The following RORA variants were observed in gnomAD, a reference collection of about 807,000 sequenced individuals.
RORA encodes RAR related orphan receptor A.
A neutral mutation model predicts 69.5 loss-of-function variants in RORA; 7 were observed. The observed-to-expected ratio is 0.10, with a 90% CI of 0.06 to 0.19. RORA has a LOEUF of 0.19. Among genes scored for constraint, RORA ranks in the 10% least tolerant of loss-of-function variants. The probability of loss-of-function intolerance (pLI) is 1.00; values close to 1 mark genes in which losing one functional copy is unlikely to be tolerated. For synonymous variants in RORA, 261 were observed against 240.8 expected, an observed-to-expected ratio of 1.08 and a Z score of -0.78; for missense variants, 457 against 663.0, an observed-to-expected ratio of 0.69 and a Z score of 3.41.
chr15:60,707,585 G>C (rs534684804), intron 1 of RORA, among the ~76,000 whole-genome samples: 1 of 151,908 alleles, frequency 6.6e-6, no homozygotes, highest in Non-Finnish European at 1.5e-5. Context: ...GGATGGTCTC[G>C]ATCTCCTGAC....
At position 60,750,119 on chromosome 15, in the gene RORA, C is replaced by A. The variant is rs78634325; in HGVS notation, c.167-71433G>T. Among the ~76,000 whole-genome samples the A allele has an allele frequency of 4.2e-3, 639 of 152,300 alleles. 5 individuals carry two copies. Among genetic ancestry groups the A allele is most frequent in the African/African-American group, 0.014 (588 of 41,558 alleles). On this transcript the variant is annotated intron_variant, in intron 1 of 10. Transcript: ENST00000335670. ...TCATATTATCTTCACTACATCCCTA[C>A]AGATGGATACTATTATCAGCTCCAA...
intron 3 of RORA, among the ~76,000 whole-genome samples, chr15:60,521,582 C>T (rs888032276): frequency 1.5e-4 from 23 of 152,066 alleles, no homozygotes; most frequent in East Asian, 3.9e-4. Context: ...AAAAGCTCCC[C>T]GAAGACTTTG....
intron 1 of RORA, among the ~76,000 whole-genome samples, chr15:60,897,875 C>A (rs1387362446): frequency 2.6e-5 from 4 of 152,258 alleles, no homozygotes; most frequent in Admixed American, 1.3e-4. Context: ...AAAAATTGTA[C>A]CCATAATAAA....
At chr15:60,730,641 T>C (rs888429417) in intron 1 of RORA, among the ~76,000 whole-genome samples, 2 of 152,228 alleles carry the variant, frequency 1.3e-5, no homozygotes, top group Non-Finnish European at 2.9e-5. Flanking sequence ...TGCATGTATG[T>C]GTGTGCTCAC....
intron 2 of RORA, among the ~76,000 whole-genome samples, chr15:60,549,152 G>A (rs745588346): frequency 6.6e-6 from 1 of 152,184 alleles, no homozygotes; most frequent in African/African-American, 2.4e-5. Context: ...CCAAAGTTAC[G>A]AGAAACAAGG....
chr15:60,881,271 A>T (rs550484375), intron 1 of RORA, among the ~76,000 whole-genome samples: 1 of 152,338 alleles, frequency 6.6e-6, no homozygotes, highest in East Asian at 1.9e-4. Context: ...GGACACACTC[A>T]GCATGACTGT....
intron 1 of RORA, among the ~76,000 whole-genome samples, chr15:60,704,082 T>G (rs182489320): frequency 3.3e-5 from 5 of 152,334 alleles, no homozygotes; most frequent in Non-Finnish European, 7.3e-5. Flanking sequence ...AAAACATCAA[T>G]TCTAATACAA....
intron 1 of RORA, among the ~76,000 whole-genome samples, chr15:60,935,101 A>G (rs1293158515): frequency 6.6e-6 from 1 of 152,250 alleles, no homozygotes; most frequent in Non-Finnish European, 1.5e-5. Flanking sequence ...TTCTGAATGA[A>G]TGAATAAAAA....
chr15:61,083,902 A>T (rs1305988219), intron 1 of RORA, among the ~76,000 whole-genome samples: 1 of 152,178 alleles, frequency 6.6e-6, no homozygotes, highest in Non-Finnish European at 1.5e-5. Flanking sequence ...TGGCTTCAGA[A>T]TAATATGAAG....
chr15:60,675,118 T>C (rs923084612), intron 2 of RORA, among the ~76,000 whole-genome samples: 1 of 152,218 alleles, frequency 6.6e-6, no homozygotes. Flanking sequence ...TTTATCCTCT[T>C]GTAACGTTGT....
intron 2 of RORA, among the ~76,000 whole-genome samples, chr15:60,637,815 T>C (rs111499673): frequency 6.2e-4 from 94 of 151,280 alleles, no homozygotes; most frequent in African/African-American, 2.3e-3. Flanking sequence ...CTTTTCTTTC[T>C]TTTTTTCTTT....
intron 1 of RORA, among the ~76,000 whole-genome samples, chr15:60,969,232 C>A (rs1893641132): frequency 6.6e-6 from 1 of 152,136 alleles, no homozygotes; most frequent in Non-Finnish European, 1.5e-5. Context: ...TTAATAAGTC[C>A]TTTTTGCAGA....
intron 2 of RORA, among the ~76,000 whole-genome samples, chr15:60,539,539 A>C (rs2066792577): frequency 6.6e-6 from 1 of 152,198 alleles, no homozygotes; most frequent in Non-Finnish European, 1.5e-5. Flanking sequence ...CAAACTGTTT[A>C]AGGCAGTTGA....
chr15:60,987,807 T>C (rs1201426224), intron 1 of RORA, among the ~76,000 whole-genome samples: 1 of 152,190 alleles, frequency 6.6e-6, no homozygotes, highest in Non-Finnish European at 1.5e-5. Flanking sequence ...TTATCTCAGT[T>C]ACAGACAGGA....
intron 1 of RORA, among the ~76,000 whole-genome samples, chr15:60,866,121 T>C (rs2073484522): frequency 6.6e-6 from 1 of 152,200 alleles, no homozygotes; most frequent in African/African-American, 2.4e-5. Context: ...GTCACCCCTA[T>C]TGTGCCAATG....
chr15:60,591,195 C>G (rs55754498), intron 2 of RORA, among the ~76,000 whole-genome samples: 1 of 152,162 alleles, frequency 6.6e-6, no homozygotes, highest in African/African-American at 2.4e-5. Context: ...CCGCGTCCGC[C>G]GCAAACAGAT....
chr15:60,635,714 A>C (rs1246351597), intron 2 of RORA, among the ~76,000 whole-genome samples: 1 of 152,152 alleles, frequency 6.6e-6, no homozygotes, highest in African/African-American at 2.4e-5. Flanking sequence ...TGAATCAGAG[A>C]CTTGGGCCCT....
chr15:60,511,431 G>T lies in RORA; in HGVS notation c.615C>A (p.Asp205Glu). 2 of 1,614,168 alleles carry T rather than the reference G, an allele frequency of 1.2e-6. No homozygotes were observed. Residue 205 changes from aspartate (D) to glutamate (E), a missense_variant, in exon 5 of 11, where the codon GAC (aspartate) becomes GAA (glutamate). Transcript: ENST00000335670. This position sits in a 1 kb window ranked among gnomAD's most constrained non-coding sequence, Gnocchi z 6.4. ...ELHDDLSNYI[D>E]GHTPEGSKAD... is the part of the protein sequence containing the mutation. ...CCTTACTCCCCTCAGGGGTGTGCCC[G>T]TCAATGTAGTTACTGAGGTCGTCGT... is the stretch of plus-strand genomic sequence containing the variant.
intron 1 of RORA, among the ~76,000 whole-genome samples, chr15:60,887,650 C>T (rs72750685): frequency 0.042 from 6,381 of 152,254 alleles, 158 homozygotes; most frequent in Admixed American, 0.061. Flanking sequence ...GGCATTTGGA[C>T]GGGCAGAATG....
Sources: allele counts gnomAD v4.1 joint callset (sites outside exome capture counted in the v4.1 genomes callset), GRCh38; gene constraint gnomAD v4.1.1; non-coding constraint Gnocchi (gnomAD v3.1); transcripts MANE v1.5; gene names NCBI Gene and HGNC (gene_info 2026-07-23, HGNC 2026-07-21).